KCNIP4: variants seen among roughly 807,000 people sequenced by gnomAD.
KCNIP4 encodes potassium voltage-gated channel interacting protein 4.
A neutral mutation model predicts 34.0 loss-of-function variants in KCNIP4; 12 were observed. The observed-to-expected ratio is 0.35, with a 90% CI of 0.23 to 0.57. The LOEUF (loss-of-function observed/expected upper bound fraction) is 0.57, where lower values mean the gene tolerates loss of function less well. Ranked by LOEUF, KCNIP4 falls within the 20% of genes least tolerant of loss-of-function variation. KCNIP4 has a pLI of 0.83. For synonymous variants in KCNIP4, 124 were observed against 102.2 expected (o/e 1.21, Z -1.29); for missense variants, 238 against 311.7 (o/e 0.76, Z 1.78).
chr4:21,139,357 G>T (rs1206268100), intron 1 of KCNIP4, among the ~76,000 whole-genome samples: 1 of 152,214 alleles, frequency 6.6e-6, no homozygotes, highest in African/African-American at 2.4e-5. Flanking sequence ...TCAGTCAGAA[G>T]TACTTCAGGT....
At chr4:21,261,713 C>T (rs910455806) in intron 1 of KCNIP4, among the ~76,000 whole-genome samples, 4 of 152,150 alleles carry the variant, frequency 2.6e-5, no homozygotes, top group Non-Finnish European at 5.9e-5. Flanking sequence ...CTATTAAGTC[C>T]TATTGGCTCT....
intron 1 of KCNIP4, among the ~76,000 whole-genome samples, chr4:21,159,292 C>G (rs1753400154): frequency 1.3e-5 from 2 of 152,008 alleles, no homozygotes; most frequent in African/African-American, 2.4e-5. Context: ...TAGAAATGGA[C>G]CCATGAATAT....
At chr4:21,130,328 G>A (rs755042205) in intron 1 of KCNIP4, among the ~76,000 whole-genome samples, 3 of 152,194 alleles carry the variant, frequency 2.0e-5, no homozygotes, top group Middle Eastern at 3.4e-3. Context: ...GAGAATCACC[G>A]CAATTTTTCT....
chr4:20,803,746 G>GAAGGAAGC, intron 3 of KCNIP4, among the ~76,000 whole-genome samples: 1 of 146,944 alleles, frequency 6.8e-6, no homozygotes, highest in South Asian at 2.1e-4. Flanking sequence ...AGGAAGGAAG[G>GAAGGAAGC]AAGGAAGGAA....
chr4:20,880,968 G>A (rs1388320), intron 2 of KCNIP4, among the ~76,000 whole-genome samples: 43,228 of 151,998 alleles, frequency 0.28, 7,176 homozygotes, highest in Admixed American at 0.44. Flanking sequence ...TATGTGCATT[G>A]GCTTAGTGCT....
intron 1 of KCNIP4, among the ~76,000 whole-genome samples, chr4:21,393,360 T>C (rs1164747116): frequency 1.3e-5 from 2 of 152,142 alleles, no homozygotes; most frequent in African/African-American, 4.8e-5. Flanking sequence ...TTAAGATGTG[T>C]AACAAAGTTC....
intron 1 of KCNIP4, among the ~76,000 whole-genome samples, chr4:21,782,806 T>A (rs192334432): frequency 6.6e-6 from 1 of 152,258 alleles, no homozygotes; most frequent in East Asian, 1.9e-4. Context: ...CAAATTGCAG[T>A]AGATCCCTGC....
At position 21,395,243 on chromosome 4, in the gene KCNIP4, C is replaced by T. The variant is rs372032077; in HGVS notation, c.62-512534G>A. Among the ~76,000 whole-genome samples, 122 of 152,182 alleles carry T rather than the reference C, an allele frequency of 8.0e-4. 4 individuals are homozygous for T. The South Asian group carries it at 0.022, about 27-fold the overall frequency. On this transcript the variant is annotated intron_variant, in intron 1 of 8. Coordinates refer to ENST00000382152, the MANE Select transcript of KCNIP4 (RefSeq NM_025221.6). ...GGCAGGTCTACTCCCAGAAGAGAAACCAAGGGTAAACTACCACAGATTCCC... is the reference window on the plus strand; with the variant it reads ...GGCAGGTCTACTCCCAGAAGAGAAATCAAGGGTAAACTACCACAGATTCCC...
At chr4:21,656,420 T>C (rs532037608) in intron 1 of KCNIP4, 4 of 152,246 alleles carry the variant, frequency 2.6e-5, no homozygotes, top group Admixed American at 6.5e-5. Context: ...AACTTCAACA[T>C]GTGAATTTAG....
chr4:21,572,145 T>C (rs1468967432), intron 1 of KCNIP4, among the ~76,000 whole-genome samples: 2 of 152,182 alleles, frequency 1.3e-5, no homozygotes, highest in African/African-American at 4.8e-5. Context: ...AGATCATATA[T>C]AAGTACATAT....
At chr4:21,334,408 A>G (rs1715955752) in intron 1 of KCNIP4, among the ~76,000 whole-genome samples, 2 of 152,076 alleles carry the variant, frequency 1.3e-5, no homozygotes, top group African/African-American at 2.4e-5. Context: ...GAATATAAGT[A>G]TTATGGAAGG....
intron 1 of KCNIP4, among the ~76,000 whole-genome samples, chr4:21,246,429 A>G (rs1169982996): frequency 2.0e-5 from 3 of 152,228 alleles, no homozygotes; most frequent in Non-Finnish European, 4.4e-5. Context: ...TTAGTTTTAC[A>G]TGATTCATCA....
chr4:21,941,749 TGA>T (rs1440087777), intron 1 of KCNIP4, among the ~76,000 whole-genome samples: 12 of 152,142 alleles, frequency 7.9e-5, no homozygotes, highest in African/African-American at 2.9e-4. Flanking sequence ...CTATTTCCAA[TGA>T]GAGAGCCACT....
At chr4:21,783,158 C>G (rs939553278) in intron 1 of KCNIP4, among the ~76,000 whole-genome samples, 3 of 151,070 alleles carry the variant, frequency 2.0e-5, no homozygotes, top group African/African-American at 7.2e-5. Flanking sequence ...TACAGAATTT[C>G]AGTTTCCTGG....
chr4:21,460,160 G>C (rs1208757314), intron 1 of KCNIP4, among the ~76,000 whole-genome samples: 1 of 144,406 alleles, frequency 6.9e-6, no homozygotes, highest in East Asian at 2.0e-4. Flanking sequence ...CATTCATTCT[G>C]TTCCAGCTCT....
chr4:20,747,873 C>T (rs1413512017), intron 5 of KCNIP4, among the ~76,000 whole-genome samples: 2 of 152,130 alleles, frequency 1.3e-5, no homozygotes, highest in African/African-American at 4.8e-5. Context: ...CATCTTGACT[C>T]CACAAAGCCA....
At chr4:20,778,578 TG>T (rs1438071871) in intron 3 of KCNIP4, among the ~76,000 whole-genome samples, 1 of 152,146 alleles carries the variant, frequency 6.6e-6, no homozygotes, top group Non-Finnish European at 1.5e-5. Flanking sequence ...ATGATACTAC[TG>T]GGGGAAATGG....
At chr4:21,084,244 A>C (rs1746231729) in intron 1 of KCNIP4, among the ~76,000 whole-genome samples, 1 of 149,974 alleles carries the variant, frequency 6.7e-6, no homozygotes, top group African/African-American at 2.5e-5. Context: ...TGACTAGCAG[A>C]AAAGAAAATG....
chr4:21,655,357 G>A (rs532823628), intron 1 of KCNIP4, among the ~76,000 whole-genome samples: 3 of 152,142 alleles, frequency 2.0e-5, no homozygotes, highest in African/African-American at 7.2e-5. Context: ...AAGCCGAAAT[G>A]AGGAGACAGG....
Sources: allele counts gnomAD v4.1 joint callset (sites outside exome capture counted in the v4.1 genomes callset), GRCh38; gene constraint gnomAD v4.1.1; transcripts MANE v1.5; gene names NCBI Gene and HGNC (gene_info 2026-07-23, HGNC 2026-07-21).